Variants in OGFOD1 observed in about 807,000 individuals in gnomAD.
OGFOD1 encodes the protein prolyl 3-hydroxylase OGFOD1.
A neutral mutation model predicts 67.7 loss-of-function variants in OGFOD1; 54 were observed. The ratio of observed to expected loss-of-function variants is 0.80; its 90% CI spans 0.64 to 1.00. OGFOD1 has a LOEUF of 1.00. OGFOD1 is among the 50% of genes least tolerant of loss of function. OGFOD1 has a pLI of 0.00. For synonymous variants in OGFOD1, 221 were observed against 227.0 expected, an observed-to-expected ratio of 0.97 and a Z score of 0.24; for missense variants, 606 against 646.7, an observed-to-expected ratio of 0.94 and a Z score of 0.68.
chr16:56,464,344 T>C (rs1962824106), intron 4 of OGFOD1, among the ~76,000 whole-genome samples: 1 of 152,194 alleles, frequency 6.6e-6, no homozygotes, highest in South Asian at 2.1e-4. Flanking sequence ...TCCACTGTTC[T>C]TTTTCCCTAT....
intron 2 of OGFOD1, among the ~76,000 whole-genome samples, chr16:56,455,434 A>G (rs1191371627): frequency 1.3e-5 from 2 of 152,144 alleles, no homozygotes; most frequent in African/African-American, 4.8e-5. Flanking sequence ...TGATTGAAAA[A>G]AAAAAAGGAG....
At chr16:56,475,955 A>G in intron 12 of OGFOD1, 89 bp from the exon 13 acceptor site, 2 of 1,212,012 alleles carry the variant, frequency 1.7e-6, no homozygotes, top group Non-Finnish European at 2.3e-6. Flanking sequence ...TAAGTGCTTG[A>G]TATGGAAACC....
At chr16:56,462,747 C>G (rs1191842320) in intron 4 of OGFOD1, 113 bp downstream of exon 4, 1 of 652,802 alleles carries the variant, frequency 1.5e-6, no homozygotes, top group East Asian at 2.8e-5. Flanking sequence ...TGCAAAGCAT[C>G]CGGATCTTCC....
intron 3 of OGFOD1, among the ~76,000 whole-genome samples, chr16:56,460,365 G>A (rs1211105706): frequency 6.6e-6 from 1 of 152,228 alleles, no homozygotes; most frequent in Non-Finnish European, 1.5e-5. Flanking sequence ...GCCTGTCCTT[G>A]TGACACTTTC....
chr16:56,467,275 C>T lies in OGFOD1; in HGVS notation c.768C>T (p.Ser256=), dbSNP rs1962943349. 6.2e-7 allele frequency: 1 copy of T among 1,614,140 alleles called. No homozygotes were observed. The highest frequency in any genetic ancestry group is 1.3e-5 in the African/African-American group (1 of 75,026). Residue 256 remains serine (S), a synonymous_variant, in exon 7 of 13, where the codon AGC becomes AGT. Coordinates refer to ENST00000566157, the MANE Select transcript of OGFOD1 (RefSeq NM_018233.4). ...PNYFEPPIPR[S]PHIPQDHEIL... is the part of the protein sequence containing the mutation. ...ACTTTGAACCCCCCATACCTCGGAG[C>T]CCTCACATCCCACAAGATGTAAGAA... is the stretch of plus-strand genomic sequence containing the variant.
rs1239677011 is a variant in OGFOD1, at chr16:56,476,381, C to T, written c.*176C>T. 9 of 446,424 alleles carry T rather than the reference C, an allele frequency of 2.0e-5. No homozygotes were observed. The highest frequency in any genetic ancestry group is 3.4e-5 in the Non-Finnish European group (9 of 263,606). 27.7% of individuals were successfully genotyped at this position (446,424 alleles called of 1,614,324 possible). On this transcript the variant is annotated 3_prime_UTR_variant, in exon 13 of 13. Coordinates refer to ENST00000566157, the MANE Select transcript of OGFOD1 (RefSeq NM_018233.4). ...GTCCTCAACCGAGACCTTGAGCTTG[C>T]AGCTAAGTACTTATCTCTTGATTAA...
chr16:56,477,560 A>G lies in OGFOD1; in HGVS notation c.*1355A>G, dbSNP rs2144074735. On this transcript the variant is annotated 3_prime_UTR_variant, in exon 13 of 13. Coordinates refer to ENST00000566157, the MANE Select transcript of OGFOD1 (RefSeq NM_018233.4). Reference sequence around the variant, plus strand: ...ATATAACTAATTGCTTTTTATTTTAAGAGACGGAATGCTAAAACCACATCA... The same window carrying G: ...ATATAACTAATTGCTTTTTATTTTAGGAGACGGAATGCTAAAACCACATCA... 6.6e-6 allele frequency: 1 copy of G among 152,342 alleles called. No homozygotes were observed. The highest frequency in any genetic ancestry group is 1.9e-4 in the East Asian group (1 of 5,190). 9.4% of individuals were successfully genotyped at this position (152,342 alleles called of 1,614,324 possible).
intron 2 of OGFOD1, among the ~76,000 whole-genome samples, chr16:56,455,296 G>T (rs1320849442): frequency 1.3e-5 from 2 of 152,064 alleles, no homozygotes; most frequent in East Asian, 3.9e-4. Flanking sequence ...GAACCCAGGC[G>T]GTGGAGGTTG....
At chr16:56,459,407 C>G (rs1962638001) in intron 3 of OGFOD1, among the ~76,000 whole-genome samples, 2 of 151,018 alleles carry the variant, frequency 1.3e-5, no homozygotes, top group South Asian at 4.2e-4. Flanking sequence ...TACAAGATTA[C>G]TTATTGTAAT....
chr16:56,475,401 C>T lies in OGFOD1; in HGVS notation c.1409-106C>T, dbSNP rs1426464572. ...AGTCATAGAACCAGTTACTGCTGAA[C>T]TCCCAGATCCCCCACTGTTAAGCAG... On this transcript the variant is annotated intron_variant, in intron 11 of 12. Transcript: ENST00000566157. The T allele has an allele frequency of 8.9e-6, 9 of 1,008,446 alleles. No individual in the cohort carries two copies. The Admixed American group carries it at 1.4e-4, about 16-fold the overall frequency. 62.5% of individuals were successfully genotyped at this position (1,008,446 alleles called of 1,614,324 possible).
chr16:56,470,289 T>C (rs1420210842), intron 9 of OGFOD1, 198 bp from the exon 10 acceptor site: 1 of 657,308 alleles, frequency 1.5e-6, no homozygotes, highest in Non-Finnish European at 2.6e-6. Flanking sequence ...GCCCTAATGA[T>C]GTTTTGTTCT....
chr16:56,472,622 C>T (rs2144044071), intron 10 of OGFOD1, among the ~76,000 whole-genome samples: 1 of 152,148 alleles, frequency 6.6e-6, no homozygotes, highest in Non-Finnish European at 1.5e-5. Flanking sequence ...ACGTCAATTT[C>T]AGAATGTTTA....
In OGFOD1 at chr16:56,477,910, T is replaced by C. The variant is rs188279210; in HGVS notation, c.*1705T>C. Reference sequence around the variant, plus strand: ...AAATGAAAATGACTTTCGCTTTGGCTTTTAGGTTTAGTTTCAAAAAGGTTT... The same window carrying C: ...AAATGAAAATGACTTTCGCTTTGGCCTTTAGGTTTAGTTTCAAAAAGGTTT... On this transcript the variant is annotated 3_prime_UTR_variant, in exon 13 of 13. Transcript: ENST00000566157. 6.1e-4 allele frequency: 93 copies of C among 152,350 alleles called. 1 individual carries two copies. The highest frequency in any genetic ancestry group is 2.2e-3 in the African/African-American group (93 of 41,584). 9.4% of individuals were successfully genotyped at this position (152,350 alleles called of 1,614,324 possible). A position where few individuals can be genotyped will look rare whatever the true frequency, so the allele number is the denominator to read the frequency against.
At chr16:56,475,078 CAA>C in intron 11 of OGFOD1, 128 bp downstream of exon 11, 1 of 946,108 alleles carries the variant, frequency 1.1e-6, no homozygotes, top group South Asian at 1.7e-5. Context: ...CATGGGATCT[CAA>C]AGTCAAAGGG....
At chr16:56,460,421 G>GTAAAGGATTTAAAGGAT in intron 3 of OGFOD1, among the ~76,000 whole-genome samples, 1 of 152,218 alleles carries the variant, frequency 6.6e-6, no homozygotes, top group African/African-American at 2.4e-5. Flanking sequence ...GAAAGCTAAT[G>GTAAAGGATTTAAAGGAT]TTACCAGTAA....
In OGFOD1 at chr16:56,478,504, C is replaced by G. The variant is rs1963575491; in HGVS notation, c.*2299C>G. 1 of 152,144 alleles carries G rather than the reference C, an allele frequency of 6.6e-6. No homozygotes were observed. Among genetic ancestry groups the G allele is most frequent in the African/African-American group, 2.4e-5 (1 of 41,408 alleles). 9.4% of individuals were successfully genotyped at this position (152,144 alleles called of 1,614,324 possible). The stretch of plus-strand genomic sequence containing the variant: ...ACTAAAGGTCATCTCACTCACTTGC[C>G]TTCTGATGTGTTTTCATGAGTTGAG... On this transcript the variant is annotated 3_prime_UTR_variant, in exon 13 of 13. Coordinates refer to ENST00000566157, the MANE Select transcript of OGFOD1 (RefSeq NM_018233.4).
intron 2 of OGFOD1, among the ~76,000 whole-genome samples, chr16:56,454,027 T>C (rs1962428036): frequency 6.6e-6 from 1 of 152,148 alleles, no homozygotes; most frequent in Admixed American, 6.5e-5. Flanking sequence ...AAGAGAGTTG[T>C]ACGTTGGGAG....
chr16:56,455,639 C>G (rs1293889059), intron 2 of OGFOD1, among the ~76,000 whole-genome samples: 3 of 152,168 alleles, frequency 2.0e-5, no homozygotes, highest in Non-Finnish European at 4.4e-5. Flanking sequence ...ATAATTGGGT[C>G]TCTGACATCT....
chr16:56,451,818 T>G, intron 1 of OGFOD1, 52 bp downstream of exon 1: 1 of 1,585,928 alleles, frequency 6.3e-7, no homozygotes, highest in Non-Finnish European at 8.6e-7. Flanking sequence ...TAGGGATCTC[T>G]GAAAAAGCCC....
Sources: gnomAD v4.1 joint callset for allele counts (sites outside exome capture counted in the v4.1 genomes callset) on GRCh38, gnomAD v4.1.1 for gene constraint, MANE v1.5 for transcripts, NCBI Gene and HGNC (gene_info 2026-07-23, HGNC 2026-07-21) for gene names.